Variants in TULP4 observed in about 807,000 individuals in gnomAD.
TULP4 encodes tubby-related protein 4.
Under a neutral mutation model 129.0 loss-of-function variants are expected in TULP4, and 16 were observed. That is an observed-to-expected ratio of 0.12 (90% CI 0.08 to 0.19). TULP4 has a LOEUF of 0.19. Among genes scored for constraint, TULP4 ranks in the 10% least tolerant of loss-of-function variants. The pLI is 1.00. For synonymous variants in TULP4, 998 were observed against 854.0 expected, an observed-to-expected ratio of 1.17 and a Z score of -2.94; for missense variants, 1,842 against 2,059.1, an observed-to-expected ratio of 0.89 and a Z score of 2.04.
intron 1 of TULP4, among the ~76,000 whole-genome samples, chr6:158,268,874 A>G (rs1049536608): frequency 3.3e-5 from 5 of 152,050 alleles, no homozygotes; most frequent in African/African-American, 1.2e-4. Context: ...ACTGAATAGC[A>G]CTTTTGGTGA....
At chr6:158,435,671 G>A (rs983178645) in intron 3 of TULP4, among the ~76,000 whole-genome samples, 9 of 151,828 alleles carry the variant, frequency 5.9e-5, no homozygotes, top group African/African-American at 1.9e-4. Flanking sequence ...CCTATCCCGC[G>A]CTCATCGCTC....
At chr6:158,262,082 G>C (rs764645995) in intron 1 of TULP4, among the ~76,000 whole-genome samples, 1 of 152,206 alleles carries the variant, frequency 6.6e-6, no homozygotes, top group Non-Finnish European at 1.5e-5. Context: ...GAGGAAGAAA[G>C]GGAGACTGGA....
chr6:158,314,398 C>A, intron 1 of TULP4, 130 bp downstream of exon 1: 1 of 1,145,342 alleles, frequency 8.7e-7, no homozygotes, highest in Non-Finnish European at 1.2e-6. Context: ...GCTGTGAGTT[C>A]TGTCTCTTAT....
intron 2 of TULP4, among the ~76,000 whole-genome samples, chr6:158,428,544 A>T (rs1778555665): frequency 6.6e-6 from 1 of 152,150 alleles, no homozygotes; most frequent in African/African-American, 2.4e-5. Flanking sequence ...AGAGGGAAAA[A>T]TGTGGTCATT....
chr6:158,287,855 C>T (rs1778858012), intron 1 of TULP4, among the ~76,000 whole-genome samples: 1 of 152,186 alleles, frequency 6.6e-6, no homozygotes, highest in Non-Finnish European at 1.5e-5. Context: ...TATGGCCCTT[C>T]TGTGAAGGCC....
intron 1 of TULP4, among the ~76,000 whole-genome samples, chr6:158,243,172 C>T (rs796628375): frequency 3.3e-5 from 5 of 152,218 alleles, no homozygotes; most frequent in African/African-American, 7.2e-5. Context: ...AATTTTAAAA[C>T]GTTACCAGTT....
At chr6:158,239,582 AG>A in intron 1 of TULP4, among the ~76,000 whole-genome samples, 1 of 32,172 alleles carries the variant, frequency 3.1e-5, no homozygotes, top group Admixed American at 3.2e-4. Context: ...CTGGCCGGGC[AG>A]GGGGGCTGAC....
intron 1 of TULP4, among the ~76,000 whole-genome samples, chr6:158,254,390 G>T (rs1232576754): frequency 6.6e-6 from 1 of 152,110 alleles, no homozygotes; most frequent in East Asian, 1.9e-4. Context: ...TGATCTACCA[G>T]CCTTGGCCTC....
At chr6:158,270,073 C>T (rs1404250299) in intron 1 of TULP4, among the ~76,000 whole-genome samples, 4 of 152,206 alleles carry the variant, frequency 2.6e-5, no homozygotes, top group African/African-American at 9.7e-5. Flanking sequence ...ATTAAATATA[C>T]GTTAATTCTA....
chr6:158,323,072 C>A (rs1779673934), intron 1 of TULP4, among the ~76,000 whole-genome samples: 1 of 152,188 alleles, frequency 6.6e-6, no homozygotes, highest in Admixed American at 6.5e-5. Flanking sequence ...TCCCCAGCCC[C>A]AACCTAAGCA....
At chr6:158,407,554 T>G (rs1402559682) in intron 1 of TULP4, among the ~76,000 whole-genome samples, 1 of 151,948 alleles carries the variant, frequency 6.6e-6, no homozygotes, top group African/African-American at 2.4e-5. Flanking sequence ...AAAAAAAAAC[T>G]TGCACACAAA....
intron 10 of TULP4, among the ~76,000 whole-genome samples, chr6:158,494,114 C>G (rs1013531553): frequency 1.3e-5 from 2 of 152,218 alleles, no homozygotes; most frequent in African/African-American, 4.8e-5. Context: ...CGTTTCTGCC[C>G]CATGCTTCCA....
At chr6:158,505,394 T>G (rs1386327485) in intron 13 of TULP4, among the ~76,000 whole-genome samples, 3 of 152,396 alleles carry the variant, frequency 2.0e-5, no homozygotes, top group Admixed American at 6.5e-5. Context: ...AACAAAGTTT[T>G]ATTGGAGCAC....
intron 1 of TULP4, among the ~76,000 whole-genome samples, chr6:158,266,413 C>T (rs1245589846): frequency 2.0e-5 from 3 of 152,108 alleles, no homozygotes; most frequent in Non-Finnish European, 4.4e-5. Flanking sequence ...CGTGCCACCA[C>T]GCCCAGCTAA....
chr6:158,358,869 G>T (rs1481551509), intron 1 of TULP4, among the ~76,000 whole-genome samples: 1 of 152,198 alleles, frequency 6.6e-6, no homozygotes, highest in Non-Finnish European at 1.5e-5. Context: ...TGTCTGCCCA[G>T]GGTATTTGTA....
intron 3 of TULP4, among the ~76,000 whole-genome samples, chr6:158,443,453 ATTCTC>A (rs1420781032): frequency 1.3e-5 from 2 of 152,140 alleles, no homozygotes; most frequent in South Asian, 2.1e-4. Flanking sequence ...TAGTCAGACT[ATTCTC>A]TACTCCTAGA....
intron 2 of TULP4, among the ~76,000 whole-genome samples, chr6:158,422,933 T>C (rs536012973): frequency 4.6e-5 from 7 of 152,362 alleles, no homozygotes; most frequent in Admixed American, 3.9e-4. Context: ...CGAATCGCCA[T>C]GTTGGATGGA....
chr6:158,298,029 A>T (rs1199346887), intron 1 of TULP4, among the ~76,000 whole-genome samples: 1 of 152,152 alleles, frequency 6.6e-6, no homozygotes, highest in African/African-American at 2.4e-5. Context: ...AATATGTAAT[A>T]TTCCTTGCTA....
Position 158,511,468 on chromosome 6 carries a change from G to T in TULP4, c.*4774G>T, listed in dbSNP as rs190314346. 89 of 150,060 alleles carry T rather than the reference G, an allele frequency of 5.9e-4. No individual in the cohort carries two copies. Among genetic ancestry groups the T allele is most frequent in the Admixed American group, 1.9e-3 (29 of 14,922 alleles). 9.3% of individuals were successfully genotyped at this position (150,060 alleles called of 1,614,324 possible). ...CAAACTAGACCACCAGCATGTTCATGTCCAGACCTCGGCAGTGGCGTGCAC... is the reference window on the plus strand; with the variant it reads ...CAAACTAGACCACCAGCATGTTCATTTCCAGACCTCGGCAGTGGCGTGCAC... On this transcript the variant is annotated 3_prime_UTR_variant, in exon 14 of 14. Transcript: ENST00000367097.
Sources: gnomAD v4.1 joint callset for allele counts (sites outside exome capture counted in the v4.1 genomes callset) on GRCh38, gnomAD v4.1.1 for gene constraint, MANE v1.5 for transcripts, NCBI Gene and HGNC (gene_info 2026-07-23, HGNC 2026-07-21) for gene names.